RYR2: variants seen among roughly 807,000 people sequenced by gnomAD.
The protein encoded by RYR2 is ryanodine receptor 2.
A neutral mutation model predicts 601.1 loss-of-function variants in RYR2; 227 were observed. The ratio of observed to expected loss-of-function variants is 0.38; its 90% CI spans 0.34 to 0.42. The LOEUF (loss-of-function observed/expected upper bound fraction) is 0.42. RYR2 is among the 10% of genes least tolerant of loss of function. The probability of loss-of-function intolerance (pLI) is 1.00; values close to 1 mark genes in which losing one functional copy is unlikely to be tolerated. For synonymous variants in RYR2, 2,223 were observed against 2,175.1 expected, an observed-to-expected ratio of 1.02 and a Z score of -0.61; for missense variants, 4,646 against 6,156.5, an observed-to-expected ratio of 0.75 and a Z score of 8.21.
rs569429214 is a variant in RYR2 at position 237,325,485 on chromosome 1, G to A, written c.169-5393G>A. On this transcript the variant is annotated intron_variant, in intron 2 of 104. Transcript: ENST00000366574. ...AGGCGGATCATGAGGTCAGGAGATC[G>A]AGACCATCCTGGCTAACACGATGAA... 3.8e-3 allele frequency among the ~76,000 whole-genome samples: 578 copies of A among 152,100 alleles called. 1 individual carries two copies. Among genetic ancestry groups the A allele is most frequent in the Non-Finnish European group, 6.3e-3 (428 of 67,988 alleles).
At chr1:237,364,258 T>C in intron 4 of RYR2, 100 bp from the exon 5 acceptor site, 1 of 1,080,952 alleles carries the variant, frequency 9.3e-7, no homozygotes, top group Non-Finnish European at 1.3e-6. Flanking sequence ...CATAGCTCCA[T>C]TTAGGATAAC....
intron 25 of RYR2, among the ~76,000 whole-genome samples, chr1:237,536,848 T>C (rs1245975721): frequency 1.3e-5 from 2 of 150,772 alleles, no homozygotes; most frequent in Non-Finnish European, 2.9e-5. Context: ...ATCGCGCCAC[T>C]GCACTCCAGC....
At chr1:237,547,046 C>A (rs1559005473) in intron 25 of RYR2, among the ~76,000 whole-genome samples, 1 of 147,972 alleles carries the variant, frequency 6.8e-6, no homozygotes, top group Non-Finnish European at 1.5e-5. Context: ...TGCTCTGTCA[C>A]CCAGGCTGGA....
intron 41 of RYR2, 80 bp downstream of exon 41, chr1:237,628,160 C>CATAACA: frequency 7.0e-7 from 1 of 1,427,630 alleles, no homozygotes. Context: ...ACATTAACTA[C>CATAACA]ATTGATAAAA....
At chr1:237,618,989 G>A (rs1320079921) in intron 38 of RYR2, among the ~76,000 whole-genome samples, 1 of 152,114 alleles carries the variant, frequency 6.6e-6, no homozygotes, top group Non-Finnish European at 1.5e-5. Context: ...AGATGTCCAA[G>A]AAGGCTGAGT....
chr1:237,234,830 G>C (rs1261184194), intron 1 of RYR2, among the ~76,000 whole-genome samples: 1 of 151,778 alleles, frequency 6.6e-6, no homozygotes, highest in East Asian at 1.9e-4. Flanking sequence ...AAATGTAGGG[G>C]ATTCAAAGTT....
chr1:237,221,601 G>A (rs1683807706), intron 1 of RYR2, among the ~76,000 whole-genome samples: 2 of 152,194 alleles, frequency 1.3e-5, no homozygotes, highest in African/African-American at 4.8e-5. Context: ...TTAGTCACAT[G>A]TACTGCAAAT....
At chr1:237,643,503 C>G in intron 48 of RYR2, 56 bp downstream of exon 48, 2 of 1,607,620 alleles carry the variant, frequency 1.2e-6, no homozygotes, top group Non-Finnish European at 1.7e-6. Context: ...ACATCATGTT[C>G]TAAAGAATGT....
intron 2 of RYR2, among the ~76,000 whole-genome samples, chr1:237,323,440 C>A (rs1160468243): frequency 1.3e-5 from 2 of 151,960 alleles, no homozygotes; most frequent in Non-Finnish European, 2.9e-5. Flanking sequence ...TGATGTAAGC[C>A]AACATTAGAA....
chr1:237,328,488 T>C (rs1419141020), intron 2 of RYR2, among the ~76,000 whole-genome samples: 2 of 152,166 alleles, frequency 1.3e-5, no homozygotes, highest in Admixed American at 1.3e-4. Context: ...GTGCCAGATT[T>C]GAGAGGACTC....
chr1:237,503,932 T>C (rs1464202963), intron 22 of RYR2, among the ~76,000 whole-genome samples: 2 of 152,204 alleles, frequency 1.3e-5, no homozygotes, highest in African/African-American at 2.4e-5. Flanking sequence ...GGTCTTGAAC[T>C]CCTGATCTCA....
rs190737058 is a variant in RYR2, at chr1:237,417,712, G to A, written c.848+589G>A. 1.1e-3 allele frequency among the ~76,000 whole-genome samples: 169 copies of A among 152,126 alleles called. 1 individual carries two copies. The highest frequency in any genetic ancestry group is 4.0e-3 in the African/African-American group (164 of 41,454). ...ATATTAATATTTATGAAACATAAAT[G>A]TATAAAGTATTTTTTTCTGATGACT... On this transcript the variant is annotated intron_variant, in intron 11 of 104. Transcript: ENST00000366574.
In RYR2 at chr1:237,472,465, A is replaced by G. The variant is rs867841376; in HGVS notation, c.1708+3278A>G. 2.0e-4 allele frequency among the ~76,000 whole-genome samples: 31 copies of G among 152,184 alleles called. 1 individual carries two copies. The highest frequency in any genetic ancestry group is 1.4e-4 in the African/African-American group (6 of 41,448). On this transcript the variant is annotated intron_variant, in intron 17 of 104. Coordinates refer to ENST00000366574, the MANE Select transcript of RYR2 (RefSeq NM_001035.3). ...GCTGGCCTGAAACACCTCGTTTACC[A>G]TTGCCAGATGCAGAACAATGCCTAG...
chr1:237,422,046 A>G (rs1248367647), intron 11 of RYR2, among the ~76,000 whole-genome samples: 2 of 152,108 alleles, frequency 1.3e-5, no homozygotes, highest in Non-Finnish European at 2.9e-5. Flanking sequence ...AATGATATAT[A>G]TGGCCTGTCC....
intron 1 of RYR2, among the ~76,000 whole-genome samples, chr1:237,166,858 T>A (rs1291168208): frequency 6.6e-6 from 1 of 152,214 alleles, no homozygotes; most frequent in African/African-American, 2.4e-5. Flanking sequence ...GGTTTCAGGT[T>A]CAATCTCTGT....
At chr1:237,620,006 T>C (rs182360889) in intron 38 of RYR2, among the ~76,000 whole-genome samples, 5 of 152,092 alleles carry the variant, frequency 3.3e-5, no homozygotes, top group Non-Finnish European at 5.9e-5. Context: ...ATTTGGAAAA[T>C]TCAGAAAGGA....
chr1:237,483,535 T>A (rs1662352362), intron 17 of RYR2, among the ~76,000 whole-genome samples: 1 of 152,150 alleles, frequency 6.6e-6, no homozygotes, highest in South Asian at 2.1e-4. Context: ...CACCAGTATA[T>A]AATACAATAG....
intron 1 of RYR2, among the ~76,000 whole-genome samples, chr1:237,143,358 T>C (rs1673599228): frequency 6.6e-6 from 1 of 152,192 alleles, no homozygotes; most frequent in Non-Finnish European, 1.5e-5. Context: ...ACAGGGACTT[T>C]CTGCAACTCT....
At chr1:237,655,754 C>A in intron 52 of RYR2, 67 bp from the exon 53 acceptor site, 1 of 1,427,470 alleles carries the variant, frequency 7.0e-7, no homozygotes, top group South Asian at 1.3e-5. Context: ...TTCTGTCAGC[C>A]CTGATGATCA....
Sources: allele counts gnomAD v4.1 joint callset (sites outside exome capture counted in the v4.1 genomes callset), GRCh38; gene constraint gnomAD v4.1.1; transcripts MANE v1.5; gene names NCBI Gene and HGNC (gene_info 2026-07-23, HGNC 2026-07-21).